The following KCNK2 variants were observed in gnomAD, a reference collection of about 807,000 sequenced individuals.
The protein encoded by KCNK2 is potassium two pore domain channel subfamily K member 2.
KCNK2 carries 21 observed loss-of-function variants against 40.5 expected under a neutral mutation model. That is an observed-to-expected ratio of 0.52 (90% CI 0.37 to 0.75). The LOEUF is 0.75. KCNK2 is among the 30% of genes least tolerant of loss of function. KCNK2 has a pLI of 0.00. For missense variants in KCNK2, 399 were observed against 531.6 expected (o/e 0.75, Z 2.45); for synonymous variants, 191 against 202.2 (o/e 0.94, Z 0.47).
intron 5 of KCNK2, among the ~76,000 whole-genome samples, chr1:215,191,428 A>T (rs765226532): frequency 1.3e-5 from 2 of 152,104 alleles, no homozygotes; most frequent in Non-Finnish European, 2.9e-5. Flanking sequence ...AATGTTTAGG[A>T]AACCTGCTTT....
chr1:215,157,468 C>A (rs1043986509), intron 3 of KCNK2, among the ~76,000 whole-genome samples: 5 of 152,216 alleles, frequency 3.3e-5, no homozygotes, highest in Non-Finnish European at 5.9e-5. Context: ...CTGCAATCTT[C>A]TCTATTCCTC....
At chr1:215,017,832 A>G (rs938433089) in intron 1 of KCNK2, among the ~76,000 whole-genome samples, 1 of 152,186 alleles carries the variant, frequency 6.6e-6, no homozygotes, top group Admixed American at 6.5e-5. Context: ...TACACCATAT[A>G]TGTATAATTT....
At position 215,209,330 on chromosome 1, in the gene KCNK2, T is replaced by A. The variant is rs112632206; in HGVS notation, c.963+14238T>A. Among the ~76,000 whole-genome samples the A allele has an allele frequency of 5.8e-3, 559 of 95,928 alleles. 26 individuals carry two copies. In the South Asian group the frequency reaches 0.082, roughly 14 times the overall value. The allele number at this position is 95,928 out of a possible 152,430, so 62.9% of individuals were successfully genotyped here. On this transcript the variant is annotated intron_variant, in intron 6 of 6. Coordinates refer to ENST00000444842, the MANE Select transcript of KCNK2 (RefSeq NM_001017425.3). ...ATATATATGAAATATACACATATTT[T>A]TATATATATAATATATATATTATAT...
At chr1:215,045,945 CAT>C (rs57974380) in intron 1 of KCNK2, among the ~76,000 whole-genome samples, 48,218 of 152,042 alleles carry the variant, frequency 0.32, 9,141 homozygotes, top group South Asian at 0.76. Context: ...AACACAGACA[CAT>C]AGTATATTGT....
intron 2 of KCNK2, among the ~76,000 whole-genome samples, chr1:215,122,673 T>C (rs999007697): frequency 4.6e-5 from 7 of 151,954 alleles, no homozygotes; most frequent in Middle Eastern, 6.8e-3. Flanking sequence ...GGGGCAGTTG[T>C]AAATGGAAAC....
At chr1:215,044,266 A>T (rs1272319897) in intron 1 of KCNK2, among the ~76,000 whole-genome samples, 1 of 152,224 alleles carries the variant, frequency 6.6e-6, no homozygotes, top group African/African-American at 2.4e-5. Context: ...GAAGCAGTAT[A>T]AATATTATAC....
intron 3 of KCNK2, among the ~76,000 whole-genome samples, chr1:215,155,555 C>G (rs1662879461): frequency 6.6e-6 from 1 of 152,118 alleles, no homozygotes; most frequent in Non-Finnish European, 1.5e-5. Flanking sequence ...GAGCCTTGCT[C>G]TGTCGCCAGG....
chr1:215,155,301 A>AT (rs57058809), intron 3 of KCNK2, among the ~76,000 whole-genome samples: 145,273 of 152,190 alleles, frequency 0.95, 69,693 homozygotes, highest in East Asian at 1. Flanking sequence ...TTGCTTCATA[A>AT]CTTAATTTTT....
chr1:215,136,576 C>G (rs770423916), intron 3 of KCNK2, among the ~76,000 whole-genome samples: 15 of 152,130 alleles, frequency 9.9e-5, no homozygotes, highest in South Asian at 2.1e-4. Flanking sequence ...TTACAAAAGT[C>G]TATTTCTTGT....
chr1:215,106,229 C>CAG (rs1660434134), intron 2 of KCNK2, among the ~76,000 whole-genome samples: 1 of 152,064 alleles, frequency 6.6e-6, no homozygotes, highest in South Asian at 2.1e-4. Context: ...ATTCATTTTC[C>CAG]TCTACAGTCC....
At chr1:215,030,952 T>C (rs1657168012) in intron 1 of KCNK2, among the ~76,000 whole-genome samples, 1 of 152,184 alleles carries the variant, frequency 6.6e-6, no homozygotes, top group African/African-American at 2.4e-5. Flanking sequence ...TCGATTCATT[T>C]TTTTACATGT....
At chr1:215,136,696 GA>G (rs1297000979) in intron 3 of KCNK2, among the ~76,000 whole-genome samples, 1 of 152,108 alleles carries the variant, frequency 6.6e-6, no homozygotes, top group Non-Finnish European at 1.5e-5. Context: ...GTGGCTTAGG[GA>G]CCAGAATGAG....
At chr1:215,132,543 G>T (rs1396520577) in intron 3 of KCNK2, among the ~76,000 whole-genome samples, 1 of 152,140 alleles carries the variant, frequency 6.6e-6, no homozygotes, top group Non-Finnish European at 1.5e-5. Flanking sequence ...CTTTATGCAA[G>T]CTCGTGAAAG....
intron 2 of KCNK2, among the ~76,000 whole-genome samples, chr1:215,094,171 T>C (rs553017423): frequency 1.8e-4 from 27 of 151,388 alleles, no homozygotes; most frequent in African/African-American, 6.5e-4. Context: ...GATAACATGC[T>C]GTCCAGAAAG....
At chr1:215,170,927 C>T (rs769846930) in intron 4 of KCNK2, among the ~76,000 whole-genome samples, 32 of 152,126 alleles carry the variant, frequency 2.1e-4, no homozygotes, top group Non-Finnish European at 4.0e-4. Context: ...TTCCAGTAAT[C>T]ATGGTTCAGT....
chr1:215,086,476 C>A lies in KCNK2; in HGVS notation c.155C>A (p.Thr52Lys). Residue 52 changes from threonine (T) to lysine (K), a missense_variant, in exon 2 of 7, where the codon ACG (threonine) becomes AAG (lysine). Thr to Lys is a moderately conservative substitution (Grantham distance 78). Around this residue, in one of 3 missense-constraint regions of KCNK2, gnomAD observed 279 missense variants for 353.8 expected, o/e 0.79. Transcript: ENST00000444842. ...TVLASRVESDTTINVMKWKTV... is the reference protein window; with the variant it reads ...TVLASRVESDKTINVMKWKTV... ...CTTGCTTCCCGGGTGGAGAGTGACA[C>A]GACCATTAATGTTATGAAATGGAAG... 4 of 1,614,074 alleles carry A rather than the reference C, an allele frequency of 2.5e-6. No homozygotes were observed. The highest frequency in any genetic ancestry group is 3.4e-6 in the Non-Finnish European group (4 of 1,179,994).
chr1:215,092,490 C>G (rs1357442774), intron 2 of KCNK2, among the ~76,000 whole-genome samples: 1 of 152,152 alleles, frequency 6.6e-6, no homozygotes, highest in Non-Finnish European at 1.5e-5. Context: ...CATATAGCAG[C>G]AGTACCCAAG....
At chr1:215,131,017 C>T (rs1356116288) in intron 3 of KCNK2, among the ~76,000 whole-genome samples, 2 of 151,208 alleles carry the variant, frequency 1.3e-5, no homozygotes, top group African/African-American at 2.4e-5. Context: ...CCCGCCACTG[C>T]GCCCGGCTAA....
intron 6 of KCNK2, among the ~76,000 whole-genome samples, chr1:215,209,972 TATATATA>T (rs1665637452): frequency 1.6e-5 from 1 of 60,660 alleles, no homozygotes; most frequent in Non-Finnish European, 2.9e-5. Flanking sequence ...TTATATATAT[TATATATA>T]TTATATATAA....
Sources: allele counts gnomAD v4.1 joint callset (sites outside exome capture counted in the v4.1 genomes callset), GRCh38; gene constraint gnomAD v4.1.1; regional missense constraint gnomAD v4.1.1; transcripts MANE v1.5; gene names NCBI Gene and HGNC (gene_info 2026-07-23, HGNC 2026-07-21).